The following RMDN3 variants were observed in gnomAD, a reference collection of about 807,000 sequenced individuals.
The protein encoded by RMDN3 is regulator of microtubule dynamics protein 3.
Under a neutral mutation model 61.8 loss-of-function variants are expected in RMDN3, and 41 were observed. The ratio of observed to expected loss-of-function variants is 0.66; its 90% CI spans 0.52 to 0.86. The LOEUF is 0.86. Ranked by LOEUF, RMDN3 falls within the 40% of genes least tolerant of loss-of-function variation. The pLI is 0.00. For synonymous variants in RMDN3, 247 were observed against 232.0 expected, an observed-to-expected ratio of 1.06 and a Z score of -0.59; for missense variants, 557 against 585.3, an observed-to-expected ratio of 0.95 and a Z score of 0.50.
chr15:40,738,026 G>A lies in RMDN3; in HGVS notation c.1064C>T (p.Ala355Val), dbSNP rs754655723. 6.2e-7 allele frequency: 1 copy of A among 1,614,164 alleles called. No homozygotes were observed. The highest frequency in any genetic ancestry group is 8.5e-7 in the Non-Finnish European group (1 of 1,180,024). ...GFSFKEHVDK[A>V]IALQPENPMA... ...GGGGTTTTCTGGCTGGAGAGCAATG[G>A]CTTTGTCCACATGCTCCTAAGGGGA... The change falls in exon 9 of 13, where the codon GCC becomes GTC. Residue 355 changes from alanine to valine, a missense_variant. Ala to Val is a moderately conservative substitution (Grantham distance 64). Coordinates refer to ENST00000338376, the MANE Select transcript of RMDN3 (RefSeq NM_018145.3).
intron 6 of RMDN3, among the ~76,000 whole-genome samples, chr15:40,743,827 C>T (rs749556643): frequency 1.3e-5 from 2 of 152,208 alleles, no homozygotes; most frequent in Admixed American, 6.5e-5. Flanking sequence ...AACACATGCA[C>T]GTGTGTTACT....
chr15:40,740,348 G>A (rs893454219), intron 6 of RMDN3, among the ~76,000 whole-genome samples, 155 bp from the exon 7 acceptor site: 12 of 152,206 alleles, frequency 7.9e-5, no homozygotes, highest in Non-Finnish European at 1.5e-4. Context: ...ATGAAAGGCC[G>A]CAAAGAAGCC....
At position 40,744,827 on chromosome 15, in the gene RMDN3, GA is replaced by G. The variant is rs1459737163; in HGVS notation, c.807+149del. On this transcript the variant is annotated intron_variant, in intron 5 of 12. Coordinates refer to ENST00000338376, the MANE Select transcript of RMDN3 (RefSeq NM_018145.3). Reference sequence around the variant, plus strand: ...TTGGAAGAGGATATGTGACCTGGGGGACAGATGCAAAACCAGCTGTCTCACC... The same window carrying G: ...TTGGAAGAGGATATGTGACCTGGGGGCAGATGCAAAACCAGCTGTCTCACC... 4.8e-6 allele frequency: 4 copies of G among 833,398 alleles called. No individual in the cohort carries two copies. In the African/African-American group the frequency reaches 5.2e-5, roughly 11 times the overall value. 51.6% of individuals were successfully genotyped at this position (833,398 alleles called of 1,614,324 possible). A position where few individuals can be genotyped will look rare whatever the true frequency, so the allele number is the denominator to read the frequency against.
chr15:40,742,981 T>C (rs943418723), intron 6 of RMDN3, among the ~76,000 whole-genome samples: 1 of 152,254 alleles, frequency 6.6e-6, no homozygotes, highest in African/African-American at 2.4e-5. Flanking sequence ...GACATCCTAC[T>C]CAATTGGTCT....
chr15:40,746,244 G>A (rs985497942), intron 4 of RMDN3, among the ~76,000 whole-genome samples: 7 of 152,150 alleles, frequency 4.6e-5, no homozygotes, highest in South Asian at 4.1e-4. Flanking sequence ...GGCTGGGGGC[G>A]GTGGCTCACG....
intron 12 of RMDN3, 59 bp from the exon 13 acceptor site, chr15:40,736,653 A>G: frequency 6.7e-7 from 1 of 1,494,708 alleles, no homozygotes; most frequent in Non-Finnish European, 9.3e-7. Context: ...TTCCCAAACC[A>G]GTGGAACCTA....
intron 9 of RMDN3, 42 bp from the exon 10 acceptor site, chr15:40,737,768 G>A (rs1236097982): frequency 6.3e-6 from 10 of 1,591,522 alleles, no homozygotes; most frequent in African/African-American, 1.4e-5. Flanking sequence ...GGTTTTAAAA[G>A]GTTTTTTTTC....
rs1897173107 is a variant in RMDN3 at position 40,738,927 on chromosome 15, T to C, written c.972-351A>G. ...TTGAAAAGCATGAAAACAATCAGCA[T>C]AAAAGTATGAGACCTGACTATACTA... On this transcript the variant is annotated intron_variant, in intron 7 of 12. Transcript: ENST00000338376. 2.0e-5 allele frequency: 5 copies of C among 250,092 alleles called. No individual in the cohort carries two copies. In the South Asian group the frequency reaches 3.4e-4, roughly 17 times the overall value. 15.5% of individuals were successfully genotyped at this position (250,092 alleles called of 1,614,324 possible). A position where few individuals can be genotyped will look rare whatever the true frequency, so the allele number is the denominator to read the frequency against.
In RMDN3 at chr15:40,751,522, G is replaced by C. The variant is rs553491618; in HGVS notation, c.428C>G (p.Pro143Arg). ...GGAGTCACTCCTCTCCCGGACAAACGGAAACCTTCGCCGCCGAGCCACTCT... is the reference window on the plus strand; with the variant it reads ...GGAGTCACTCCTCTCCCGGACAAACCGAAACCTTCGCCGCCGAGCCACTCT... ...NQRVARRRRFPFVRERSDSTG... is the reference protein window; with the variant it reads ...NQRVARRRRFRFVRERSDSTG... Residue 143 changes from proline (P) to arginine (R), a missense_variant, in exon 4 of 13, where the codon CCG (proline) becomes CGG (arginine). Coordinates refer to ENST00000338376, the MANE Select transcript of RMDN3 (RefSeq NM_018145.3). 1.9e-6 allele frequency: 3 copies of C among 1,614,006 alleles called. No homozygotes were observed. In the Admixed American group the frequency reaches 5.0e-5, roughly 27 times the overall value.
At chr15:40,743,708 C>T (rs1897371302) in intron 6 of RMDN3, among the ~76,000 whole-genome samples, 1 of 152,182 alleles carries the variant, frequency 6.6e-6, no homozygotes, top group Non-Finnish European at 1.5e-5. Context: ...AAACTGAAAC[C>T]AGATTTCTAA....
Position 40,751,497 on chromosome 15 carries a change from GGA to G in RMDN3, c.451_452del (p.Ser151HisfsTer20). On this transcript the variant is annotated frameshift_variant, in exon 4 of 13. Coordinates refer to ENST00000338376, the MANE Select transcript of RMDN3 (RefSeq NM_018145.3). LOFTEE classifies it high-confidence loss of function. ...TGAAGTAGACAGAGCTGGAGCCAGT[GGA>G]GTCACTCCTCTCCCGGACAAACGGA... ...RFPFVRERSD[S>X]TGSSSVYFTA... The G allele has an allele frequency of 1.2e-6, 2 of 1,614,210 alleles. No homozygotes were observed. Among genetic ancestry groups the G allele is most frequent in the Non-Finnish European group, 1.7e-6 (2 of 1,180,036 alleles).
At chr15:40,738,394 GA>G (rs1897149219) in intron 8 of RMDN3, 106 bp downstream of exon 8, 7 of 1,021,296 alleles carry the variant, frequency 6.9e-6, no homozygotes, top group South Asian at 1.4e-5. Context: ...AAAAAAAGAA[GA>G]AAGGCAAGTC....
In RMDN3 at chr15:40,750,179, G is replaced by A. The variant is rs561932613; in HGVS notation, c.524+1247C>T. On this transcript the variant is annotated intron_variant, in intron 4 of 12. Transcript: ENST00000338376. ...AACTCCCGGCCTCCCAAGTAGCTGG[G>A]ACTACCGACCCATGCCACCATGCCC... is the stretch of plus-strand genomic sequence containing the variant. Among the ~76,000 whole-genome samples the A allele has an allele frequency of 1.4e-3, 206 of 149,594 alleles. 1 individual carries two copies. Among genetic ancestry groups the A allele is most frequent in the Admixed American group, 2.9e-3 (43 of 15,010 alleles).
At chr15:40,753,500 G>A (rs999217269) in intron 2 of RMDN3, among the ~76,000 whole-genome samples, 1 of 151,744 alleles carries the variant, frequency 6.6e-6, no homozygotes, top group Admixed American at 6.6e-5. Context: ...GCAACAGAGC[G>A]AGACTCCATC....
chr15:40,741,620 A>ATGTTTTTTTTTTT (rs1897282721), intron 6 of RMDN3, among the ~76,000 whole-genome samples: 2 of 71,724 alleles, frequency 2.8e-5, no homozygotes, highest in Non-Finnish European at 5.0e-5. Flanking sequence ...GCAACATAGG[A>ATGTTTTTTTTTTT]TTTTTTTTTT....
At chr15:40,754,548 C>A in intron 2 of RMDN3, 49 bp downstream of exon 2, 1 of 1,548,744 alleles carries the variant, frequency 6.5e-7, no homozygotes, top group Non-Finnish European at 8.8e-7. Context: ...GCCCAGACCT[C>A]AGGCCCATTA....
At chr15:40,748,401 T>C (rs2141920143) in intron 4 of RMDN3, among the ~76,000 whole-genome samples, 1 of 152,306 alleles carries the variant, frequency 6.6e-6, no homozygotes, top group East Asian at 1.9e-4. Flanking sequence ...CCTGCTCTCA[T>C]GCCACGGGAC....
At chr15:40,746,203 T>C (rs935404065) in intron 4 of RMDN3, among the ~76,000 whole-genome samples, 1 of 152,004 alleles carries the variant, frequency 6.6e-6, no homozygotes, top group Non-Finnish European at 1.5e-5. Flanking sequence ...GGGGAAAAGG[T>C]AGGACTTCTG....
At chr15:40,740,862 G>A (rs553038036) in intron 6 of RMDN3, among the ~76,000 whole-genome samples, 1 of 152,212 alleles carries the variant, frequency 6.6e-6, no homozygotes, top group African/African-American at 2.4e-5. Context: ...GAGGTGGGTG[G>A]ATCACTTGAG....
Sources: gnomAD v4.1 joint callset for allele counts (sites outside exome capture counted in the v4.1 genomes callset) on GRCh38, gnomAD v4.1.1 for gene constraint, MANE v1.5 for transcripts, NCBI Gene and HGNC (gene_info 2026-07-23, HGNC 2026-07-21) for gene names.